Variants in KMT2E observed in about 807,000 individuals in gnomAD.
The protein encoded by KMT2E is lysine methyltransferase 2E (inactive).
A neutral mutation model predicts 184.6 loss-of-function variants in KMT2E; 30 were observed. That is an observed-to-expected ratio of 0.16 (90% CI 0.12 to 0.22). KMT2E has a LOEUF of 0.22. Ranked by LOEUF, KMT2E falls within the 10% of genes least tolerant of loss-of-function variation. KMT2E has a pLI of 1.00. For missense variants in KMT2E, 2,023 were observed against 2,237.4 expected, an observed-to-expected ratio of 0.90 and a Z score of 1.93; for synonymous variants, 815 against 776.5, an observed-to-expected ratio of 1.05 and a Z score of -0.82.
intron 3 of KMT2E, among the ~76,000 whole-genome samples, chr7:105,054,225 A>G (rs1373326641): frequency 1.3e-5 from 2 of 151,960 alleles, no homozygotes; most frequent in Non-Finnish European, 2.9e-5. Flanking sequence ...GCAGAGAATT[A>G]AGAATTACTT....
At chr7:105,060,606 A>G (rs994685376) in intron 3 of KMT2E, among the ~76,000 whole-genome samples, 1 of 147,514 alleles carries the variant, frequency 6.8e-6, no homozygotes, top group Non-Finnish European at 1.5e-5. Flanking sequence ...TTTTTTTTTT[A>G]TTTTTAATGT....
At chr7:105,095,064 G>A (rs1798349916) in intron 15 of KMT2E, among the ~76,000 whole-genome samples, 3 of 152,050 alleles carry the variant, frequency 2.0e-5, no homozygotes, top group Admixed American at 2.0e-4. Flanking sequence ...TCCAAAAAGT[G>A]CACCAGGGTA....
chr7:105,053,084 T>C (rs1034503393), intron 3 of KMT2E, among the ~76,000 whole-genome samples: 1 of 152,204 alleles, frequency 6.6e-6, no homozygotes, highest in Non-Finnish European at 1.5e-5. Context: ...GTCCCTCATA[T>C]ATAAATAGTC....
At chr7:105,110,090 C>T (rs1487714098) in intron 23 of KMT2E, among the ~76,000 whole-genome samples, 190 bp from the exon 24 acceptor site, 1 of 152,102 alleles carries the variant, frequency 6.6e-6, no homozygotes, top group African/African-American at 2.4e-5. Context: ...ACCTTGGCCT[C>T]CCAAAGTGCT....
At chr7:105,053,630 T>TGA in intron 3 of KMT2E, among the ~76,000 whole-genome samples, 1 of 152,124 alleles carries the variant, frequency 6.6e-6, no homozygotes, top group East Asian at 1.9e-4. Context: ...CCCATCACTT[T>TGA]GAGAGATCAA....
chr7:105,062,483 A>G (rs1369468608), intron 4 of KMT2E, among the ~76,000 whole-genome samples: 2 of 152,130 alleles, frequency 1.3e-5, no homozygotes, highest in African/African-American at 4.8e-5. Flanking sequence ...TTTGCAATTT[A>G]TGCTGTTAAT....
chr7:105,050,870 C>T (rs1258497729), intron 3 of KMT2E, among the ~76,000 whole-genome samples: 3 of 151,768 alleles, frequency 2.0e-5, no homozygotes, highest in Non-Finnish European at 4.4e-5. Context: ...GCTGAGATTA[C>T]AGGTGGCCAC....
In KMT2E at chr7:105,112,382, G is replaced by A. The variant is rs150728398; in HGVS notation, c.4626G>A (p.Thr1542=). The change falls in exon 27 of 27, where the codon ACG becomes ACA. Residue 1542 remains threonine, a synonymous_variant. Transcript: ENST00000311117. ...TTAACCAACAAAGTCTGAACAGCAC[G>A]GCACCACCCCCTCCACCTCCTCCAC... is the stretch of plus-strand genomic sequence containing the variant. ...SQFNQQSLNS[T]APPPPPPPPP... is the part of the protein sequence containing the mutation. The A allele has an allele frequency of 7.4e-6, 12 of 1,612,576 alleles. No individual in the cohort carries two copies. Among genetic ancestry groups the A allele is most frequent in the South Asian group, 1.1e-5 (1 of 91,060 alleles).
At chr7:105,040,183 A>G (rs764063351) in intron 2 of KMT2E, among the ~76,000 whole-genome samples, 4 of 152,182 alleles carry the variant, frequency 2.6e-5, no homozygotes, top group East Asian at 1.9e-4. Flanking sequence ...TTTCCCTTAC[A>G]TACAGATGCA....
At chr7:105,052,812 T>A (rs994410428) in intron 3 of KMT2E, among the ~76,000 whole-genome samples, 1 of 152,002 alleles carries the variant, frequency 6.6e-6, no homozygotes, top group Non-Finnish European at 1.5e-5. Context: ...ACACCCGACC[T>A]CAGGTGATCT....
chr7:105,036,276 G>A (rs1427148860), intron 1 of KMT2E, among the ~76,000 whole-genome samples: 7 of 150,898 alleles, frequency 4.6e-5, no homozygotes, highest in Admixed American at 1.3e-4. Flanking sequence ...GGGTTCAAGC[G>A]ATTCTCGTGC....
chr7:105,029,736 G>C (rs1013358098), intron 1 of KMT2E, among the ~76,000 whole-genome samples: 2 of 152,146 alleles, frequency 1.3e-5, no homozygotes, highest in Non-Finnish European at 2.9e-5. Context: ...CACTTTGAAG[G>C]CTTGATTTTT....
At chr7:105,062,110 T>C in intron 3 of KMT2E, 54 bp from the exon 4 acceptor site, 3 of 1,118,082 alleles carry the variant, frequency 2.7e-6, no homozygotes, top group Non-Finnish European at 4.1e-6. Flanking sequence ...ATTAAATTGA[T>C]TAAGAGGAAA....
intron 1 of KMT2E, among the ~76,000 whole-genome samples, chr7:105,033,932 T>C (rs1697688924): frequency 2.0e-5 from 3 of 151,882 alleles, no homozygotes; most frequent in African/African-American, 4.8e-5. Flanking sequence ...CTGGCTAAAG[T>C]TTTTAACAAC....
chr7:105,076,159 A>ATTGGT, intron 9 of KMT2E, 78 bp downstream of exon 9: 1 of 987,026 alleles, frequency 1.0e-6, no homozygotes. Context: ...CCATATCTTT[A>ATTGGT]CTTAATGCTC....
Position 105,090,237 on chromosome 7 carries a change from G to T in KMT2E, c.1587G>T (p.Lys529Asn). ...AGAGCCCAGAAACTAAACAAAGAAA[G>T]CTTTCTCCACTGAGACTATCAGTAT... is the stretch of plus-strand genomic sequence containing the variant. ...KMKSPETKQR[K>N]LSPLRLSVSN... is the part of the protein sequence containing the mutation. Residue 529 changes from lysine to asparagine, a missense_variant, in exon 14 of 27, where the codon AAG (lysine) becomes AAT (asparagine). By Grantham distance (94) the Lys-to-Asn change is moderately conservative. This residue lies in a region of KMT2E where 514 missense variants were observed against 621.8 expected (regional missense o/e 0.83). Transcript: ENST00000311117. 1 of 1,603,292 alleles carries T rather than the reference G, an allele frequency of 6.2e-7. No individual in the cohort carries two copies.
At chr7:105,052,393 G>C (rs1273854276) in intron 3 of KMT2E, among the ~76,000 whole-genome samples, 2 of 151,972 alleles carry the variant, frequency 1.3e-5, no homozygotes, top group Admixed American at 1.3e-4. Context: ...TTTCATTGCT[G>C]CCGTGCTTTA....
rs1197142393 is a variant in KMT2E at position 105,014,223 on chromosome 7, A to G, written c.-501A>G. On this transcript the variant is annotated 5_prime_UTR_variant, in exon 1 of 27. Coordinates refer to ENST00000311117, the MANE Select transcript of KMT2E (RefSeq NM_182931.3). ...TTTTCCCAGAGCGAGAGGCAGTGAC[A>G]CTGAGCGGGCGCAGGGGGCCGAGTC... 8 of 197,236 alleles carry G rather than the reference A, an allele frequency of 4.1e-5. No individual in the cohort carries two copies. The highest frequency in any genetic ancestry group is 9.8e-6 in the Non-Finnish European group (1 of 102,004). The allele number at this position is 197,236 out of a possible 1,614,324, so 12.2% of individuals were successfully genotyped here.
At chr7:105,094,972 G>T (rs1383987280) in intron 15 of KMT2E, among the ~76,000 whole-genome samples, 1 of 152,132 alleles carries the variant, frequency 6.6e-6, no homozygotes, top group Admixed American at 6.5e-5. Flanking sequence ...TCCTTTTGTA[G>T]TACAGCTTGA....
Sources: allele counts gnomAD v4.1 joint callset (sites outside exome capture counted in the v4.1 genomes callset), GRCh38; gene constraint gnomAD v4.1.1; regional missense constraint gnomAD v4.1.1; transcripts MANE v1.5; gene names NCBI Gene and HGNC (gene_info 2026-07-23, HGNC 2026-07-21).